CHRM3: variants seen among roughly 807,000 people sequenced by gnomAD.
CHRM3 encodes the protein muscarinic acetylcholine receptor M3.
In CHRM3, 11 loss-of-function variants were observed where a neutral mutation model predicts 41.8. The ratio of observed to expected loss-of-function variants is 0.26; its 90% CI spans 0.17 to 0.44. The LOEUF is 0.44. Ranked by LOEUF, CHRM3 falls within the 20% of genes least tolerant of loss-of-function variation. CHRM3 has a pLI of 1.00. For synonymous variants in CHRM3, 297 were observed against 301.4 expected, an observed-to-expected ratio of 0.99 and a Z score of 0.15; for missense variants, 571 against 745.4, an observed-to-expected ratio of 0.77 and a Z score of 2.72.
At chr1:239,793,865 T>C (rs1669546753) in intron 5 of CHRM3, among the ~76,000 whole-genome samples, 2 of 131,184 alleles carry the variant, frequency 1.5e-5, no homozygotes, top group East Asian at 2.4e-4. Flanking sequence ...CAGGCTGGAG[T>C]GCAATGGTGC....
intron 1 of CHRM3, among the ~76,000 whole-genome samples, chr1:239,451,285 T>C (rs1208934563): frequency 1.3e-5 from 2 of 152,210 alleles, no homozygotes; most frequent in Non-Finnish European, 2.9e-5. Flanking sequence ...TGAAGTAAAT[T>C]AAAAGAGCTT....
intron 6 of CHRM3, among the ~76,000 whole-genome samples, chr1:239,858,956 C>A (rs1675352887): frequency 6.6e-6 from 1 of 152,194 alleles, no homozygotes; most frequent in Non-Finnish European, 1.5e-5. Flanking sequence ...CCTAATCATC[C>A]ATTGGATGCA....
rs1004028466 is a variant in CHRM3 at position 239,387,668 on chromosome 1, G to A, written c.-521+441G>A. Among the ~76,000 whole-genome samples the A allele has an allele frequency of 6.6e-6, 1 of 152,142 alleles. No homozygotes were observed. The highest frequency in any genetic ancestry group is 2.4e-5 in the African/African-American group (1 of 41,446). On this transcript the variant is annotated intron_variant, in intron 1 of 6. Coordinates refer to ENST00000676153, the MANE Select transcript of CHRM3 (RefSeq NM_001375978.1). The surrounding 1 kb of genome is among the most constrained non-coding windows in gnomAD (Gnocchi z 5.1). ...TCCGGGTGTGTTTGTGAGCGCACTC[G>A]TGTGTTGAGCGTTTGTCTCCCATCT...
chr1:239,475,437 A>G (rs961118051), intron 1 of CHRM3, among the ~76,000 whole-genome samples: 1 of 152,152 alleles, frequency 6.6e-6, no homozygotes, highest in African/African-American at 2.4e-5. Flanking sequence ...GACAAATTCC[A>G]ATCATGAGTA....
chr1:239,585,640 G>T (rs961308438), intron 3 of CHRM3, among the ~76,000 whole-genome samples: 5 of 152,172 alleles, frequency 3.3e-5, no homozygotes, highest in African/African-American at 9.7e-5. Flanking sequence ...GGGAATAAAT[G>T]CTTGGCAGGT....
intron 3 of CHRM3, among the ~76,000 whole-genome samples, chr1:239,597,478 C>T (rs945576798): frequency 2.0e-5 from 3 of 151,194 alleles, no homozygotes; most frequent in African/African-American, 7.4e-5. Flanking sequence ...AGTTTCTGAT[C>T]TTGTAGATTT....
intron 4 of CHRM3, among the ~76,000 whole-genome samples, chr1:239,651,504 A>G (rs1672235828): frequency 6.6e-6 from 1 of 152,162 alleles, no homozygotes; most frequent in Admixed American, 6.5e-5. Flanking sequence ...TTCAGAGAAG[A>G]TGGAATAGTA....
chr1:239,799,822 C>G (rs189662774), intron 5 of CHRM3, among the ~76,000 whole-genome samples: 1 of 152,134 alleles, frequency 6.6e-6, no homozygotes, highest in African/African-American at 2.4e-5. Flanking sequence ...ATTCCCTTGC[C>G]GCTCTCAATG....
At chr1:239,571,705 T>C (rs2148538761) in intron 3 of CHRM3, among the ~76,000 whole-genome samples, 1 of 152,286 alleles carries the variant, frequency 6.6e-6, no homozygotes, top group East Asian at 1.9e-4. Context: ...CATTACACTC[T>C]CGTGTGCCCA....
At chr1:239,675,570 G>T (rs1179339119) in intron 4 of CHRM3, among the ~76,000 whole-genome samples, 1 of 152,106 alleles carries the variant, frequency 6.6e-6, no homozygotes, top group Admixed American at 6.5e-5. Context: ...TCTGGAAATT[G>T]GTTTTTATCT....
At chr1:239,876,061 G>A (rs1250001117) in intron 6 of CHRM3, among the ~76,000 whole-genome samples, 2 of 152,144 alleles carry the variant, frequency 1.3e-5, no homozygotes, top group African/African-American at 4.8e-5. Flanking sequence ...CACTGGTGAC[G>A]TGCTAAAGAA....
intron 1 of CHRM3, among the ~76,000 whole-genome samples, chr1:239,486,193 T>C (rs1667171577): frequency 6.6e-6 from 1 of 152,222 alleles, no homozygotes; most frequent in African/African-American, 2.4e-5. Flanking sequence ...TCTCAGTTTC[T>C]ATATTGATCA....
chr1:239,531,832 T>C lies in CHRM3; in HGVS notation c.-421-13809T>C, dbSNP rs573940323. Among the ~76,000 whole-genome samples, 7 of 148,732 alleles carry C rather than the reference T, an allele frequency of 4.7e-5. No individual in the cohort carries two copies. The South Asian group carries it at 1.5e-3, about 32-fold the overall frequency. On this transcript the variant is annotated intron_variant, in intron 2 of 6. Coordinates refer to ENST00000676153, the MANE Select transcript of CHRM3 (RefSeq NM_001375978.1). ...CCGCCACCACACCCGGCTAATTTTT[T>C]GTATTTTTAATAGAGACGGGGTTTC...
rs907412868 is a variant in CHRM3, at chr1:239,773,463, C to T, written c.-146-53789C>T. On this transcript the variant is annotated intron_variant, in intron 5 of 6. Transcript: ENST00000676153. Reference sequence around the variant, plus strand: ...TTAACCCTGGCATTAAGAGAACAGCCTCTTTCCATCTTTACTTTTGCTATT... The same window carrying T: ...TTAACCCTGGCATTAAGAGAACAGCTTCTTTCCATCTTTACTTTTGCTATT... Among the ~76,000 whole-genome samples, 15 of 152,170 alleles carry T rather than the reference C, an allele frequency of 9.9e-5. 1 individual carries two copies. Among genetic ancestry groups the T allele is most frequent in the Non-Finnish European group, 7.3e-5 (5 of 68,034 alleles).
At chr1:239,527,673 C>T (rs1185714500) in intron 2 of CHRM3, among the ~76,000 whole-genome samples, 1 of 152,192 alleles carries the variant, frequency 6.6e-6, no homozygotes, top group Non-Finnish European at 1.5e-5. Context: ...TCTTACGGTG[C>T]TTGGTAAATA....
At chr1:239,526,244 C>G (rs1455936690) in intron 2 of CHRM3, among the ~76,000 whole-genome samples, 1 of 152,160 alleles carries the variant, frequency 6.6e-6, no homozygotes, top group South Asian at 2.1e-4. Context: ...AAAAGGTCTC[C>G]TGATCTAAAC....
chr1:239,523,074 C>T (rs936566030), intron 2 of CHRM3, among the ~76,000 whole-genome samples: 19 of 151,848 alleles, frequency 1.3e-4, no homozygotes, highest in African/African-American at 3.6e-4. Context: ...ATTCTTCCCA[C>T]CTGTCTAATC....
At position 239,447,197 on chromosome 1, in the gene CHRM3, T is replaced by C. The variant is rs189218821; in HGVS notation, c.-520-45512T>C. Among the ~76,000 whole-genome samples the C allele has an allele frequency of 1.7e-3, 258 of 152,268 alleles. 2 individuals are homozygous for C. Among genetic ancestry groups the C allele is most frequent in the African/African-American group, 6.0e-3 (250 of 41,554 alleles). ...TCATCTTGGTTTTTTTCACAGTAATTTGTAAGATAGGGCTGGAAGTATATT... is the reference window on the plus strand; with the variant it reads ...TCATCTTGGTTTTTTTCACAGTAATCTGTAAGATAGGGCTGGAAGTATATT... On this transcript the variant is annotated intron_variant, in intron 1 of 6. Transcript: ENST00000676153.
chr1:239,530,469 C>CT (rs1283696424), intron 2 of CHRM3, among the ~76,000 whole-genome samples: 1 of 152,146 alleles, frequency 6.6e-6, no homozygotes, highest in Non-Finnish European at 1.5e-5. Flanking sequence ...AAAATGGAGA[C>CT]TTCCAGAGTG....
Sources: gnomAD v4.1 joint callset for allele counts (sites outside exome capture counted in the v4.1 genomes callset) on GRCh38, gnomAD v4.1.1 for gene constraint, Gnocchi (gnomAD v3.1) non-coding constraint, MANE v1.5 for transcripts, NCBI Gene and HGNC (gene_info 2026-07-23, HGNC 2026-07-21) for gene names.